TSHZ2: variants seen among roughly 807,000 people sequenced by gnomAD.
TSHZ2 encodes the protein teashirt zinc finger homeobox 2.
TSHZ2 carries 21 observed loss-of-function variants against 74.4 expected under a neutral mutation model. That is an observed-to-expected ratio of 0.28 (90% CI 0.20 to 0.41). The LOEUF is 0.41. TSHZ2 is among the 10% of genes least tolerant of loss of function. The pLI, the probability that TSHZ2 is intolerant of heterozygous loss-of-function variation, is 1.00. For missense variants in TSHZ2, 1,244 were observed against 1,293.5 expected, an observed-to-expected ratio of 0.96 and a Z score of 0.59; for synonymous variants, 540 against 515.3, an observed-to-expected ratio of 1.05 and a Z score of -0.65.
chr20:53,162,218 G>T (rs1324939934), intron 1 of TSHZ2, among the ~76,000 whole-genome samples: 1 of 151,974 alleles, frequency 6.6e-6, no homozygotes, highest in African/African-American at 2.4e-5. Flanking sequence ...CACAACTGAA[G>T]GAAAAAAATA....
At chr20:52,980,562 A>G (rs1279805716) in intron 1 of TSHZ2, among the ~76,000 whole-genome samples, 2 of 152,250 alleles carry the variant, frequency 1.3e-5, no homozygotes, top group East Asian at 3.8e-4. Flanking sequence ...TTAAAGCCAC[A>G]TCTAAGCCAT....
intron 2 of TSHZ2, among the ~76,000 whole-genome samples, chr20:53,360,680 T>G (rs1981016210): frequency 6.6e-6 from 1 of 152,200 alleles, no homozygotes; most frequent in Non-Finnish European, 1.5e-5. Flanking sequence ...TACCTAATTC[T>G]TAGAAAGCCC....
In TSHZ2 at chr20:53,472,946, G is replaced by A. The variant is rs369432502; in HGVS notation, c.*9-14198G>A. On this transcript the variant is annotated intron_variant, in intron 2 of 2. Transcript: ENST00000371497. ...TCTCACCCGAATACTGCGCTTTTCC[G>A]ACGGGCTTAAAAAACGGCGCACCAC... 2.2e-3 allele frequency among the ~76,000 whole-genome samples: 332 copies of A among 152,192 alleles called. 1 individual carries two copies. Among genetic ancestry groups the A allele is most frequent in the African/African-American group, 7.4e-3 (308 of 41,504 alleles).
chr20:53,226,143 CACACACACACACACACAT>C (rs1210573993), intron 1 of TSHZ2, among the ~76,000 whole-genome samples: 1 of 79,104 alleles, frequency 1.3e-5, no homozygotes, highest in Non-Finnish European at 2.9e-5. Context: ...CACACACACA[CACACACACACACACACAT>C]GCACACAAAC....
intron 2 of TSHZ2, among the ~76,000 whole-genome samples, chr20:53,439,279 C>T (rs1217843282): frequency 1.3e-5 from 2 of 152,136 alleles, no homozygotes; most frequent in Non-Finnish European, 2.9e-5. Context: ...ATCACAAATC[C>T]TTCCATCTGG....
chr20:53,113,730 G>T (rs529446068), intron 1 of TSHZ2, among the ~76,000 whole-genome samples: 1 of 152,146 alleles, frequency 6.6e-6, no homozygotes, highest in Admixed American at 6.5e-5. Context: ...GTCCTTAAGC[G>T]TAGGTTAATC....
At chr20:53,105,848 T>C (rs993267414) in intron 1 of TSHZ2, among the ~76,000 whole-genome samples, 2 of 152,104 alleles carry the variant, frequency 1.3e-5, no homozygotes, top group Admixed American at 6.6e-5. Flanking sequence ...GGTTTTGCCA[T>C]GTTGCACGGG....
intron 1 of TSHZ2, among the ~76,000 whole-genome samples, chr20:53,082,461 G>T (rs951216890): frequency 2.0e-5 from 3 of 152,148 alleles, no homozygotes; most frequent in Admixed American, 2.0e-4. Flanking sequence ...CACGCTGATT[G>T]CATCAAGTAC....
rs1264436870 is a variant in TSHZ2 at position 52,972,870 on chromosome 20, G to T, written c.-424G>T. The T allele has an allele frequency of 8.9e-6, 2 of 225,928 alleles. No individual in the cohort carries two copies. Among genetic ancestry groups the T allele is most frequent in the Admixed American group, 1.2e-4 (2 of 17,294 alleles). 14.0% of individuals were successfully genotyped at this position (225,928 alleles called of 1,614,324 possible). On this transcript the variant is annotated 5_prime_UTR_variant, in exon 1 of 3. Transcript: ENST00000371497. The stretch of plus-strand genomic sequence containing the variant: ...TTACGCGCGAGTGTGCCTGTGGCGC[G>T]TGTGCGCCCCTCGTCCCTTCCATCC...
At chr20:53,007,358 A>C (rs554902900) in intron 1 of TSHZ2, among the ~76,000 whole-genome samples, 219 of 152,350 alleles carry the variant, frequency 1.4e-3, no homozygotes, top group Non-Finnish European at 2.8e-3. Flanking sequence ...AGATGGACCA[A>C]ACACATGAAA....
chr20:53,205,492 C>T (rs1989145331), intron 1 of TSHZ2, among the ~76,000 whole-genome samples: 1 of 152,136 alleles, frequency 6.6e-6, no homozygotes, highest in Non-Finnish European at 1.5e-5. Context: ...AAGGAAGTTC[C>T]AAATGTTAAG....
chr20:53,274,505 G>A (rs1244353549), intron 2 of TSHZ2, among the ~76,000 whole-genome samples: 1 of 152,158 alleles, frequency 6.6e-6, no homozygotes, highest in Non-Finnish European at 1.5e-5. Flanking sequence ...TTTTCAAAAT[G>A]ATTTAGTGAC....
At position 53,120,705 on chromosome 20, in the gene TSHZ2, T is replaced by TA. The variant is rs569623433; in HGVS notation, c.41-132787dup. ...CTATTACTTAAACTCTTACCTCTTA[T>TA]AAAAAAATCCAAAGACAGGACCCCT... On this transcript the variant is annotated intron_variant, in intron 1 of 2. Transcript: ENST00000371497. Among the ~76,000 whole-genome samples the TA allele has an allele frequency of 6.2e-3, 949 of 152,306 alleles. 9 individuals are homozygous for TA. The highest frequency in any genetic ancestry group is 0.021 in the African/African-American group (889 of 41,576).
chr20:53,200,895 G>A (rs868201143), intron 1 of TSHZ2, among the ~76,000 whole-genome samples: 3 of 152,280 alleles, frequency 2.0e-5, no homozygotes, highest in African/African-American at 7.2e-5. Context: ...GGGAACAATG[G>A]TTGGAGGTTT....
At chr20:53,195,053 G>A (rs1277763753) in intron 1 of TSHZ2, among the ~76,000 whole-genome samples, 1 of 152,144 alleles carries the variant, frequency 6.6e-6, no homozygotes, top group Non-Finnish European at 1.5e-5. Flanking sequence ...GGGATTGGTG[G>A]CAAGGGGTGA....
At chr20:53,202,184 C>A (rs1003294295) in intron 1 of TSHZ2, among the ~76,000 whole-genome samples, 4 of 152,200 alleles carry the variant, frequency 2.6e-5, no homozygotes, top group East Asian at 3.8e-4. Flanking sequence ...TTACCCATGA[C>A]CTTCCTCGGT....
intron 2 of TSHZ2, among the ~76,000 whole-genome samples, chr20:53,334,695 T>TA (rs964460531): frequency 6.6e-6 from 1 of 151,898 alleles, no homozygotes; most frequent in African/African-American, 2.4e-5. Flanking sequence ...TTTTCTAATT[T>TA]AAAAAAAATT....
chr20:53,482,941 A>C (rs1184909918), intron 2 of TSHZ2, among the ~76,000 whole-genome samples: 4 of 152,224 alleles, frequency 2.6e-5, no homozygotes, highest in Non-Finnish European at 4.4e-5. Flanking sequence ...ATAATTTTTA[A>C]AAAATAATAA....
Position 52,989,164 on chromosome 20 carries a change from CAAA to C in TSHZ2, c.40+15846_40+15848del, listed in dbSNP as rs3995491. 7.5e-3 allele frequency among the ~76,000 whole-genome samples: 942 copies of C among 126,146 alleles called. 15 individuals carry two copies. The highest frequency in any genetic ancestry group is 0.025 in the African/African-American group (891 of 35,180). The allele number at this position is 126,146 out of a possible 152,430, so 82.8% of individuals were successfully genotyped here. On this transcript the variant is annotated intron_variant, in intron 1 of 2. Coordinates refer to ENST00000371497, the MANE Select transcript of TSHZ2 (RefSeq NM_173485.6). ...AGAAATCATGATAGACTCTGTCTGGCAAAAAAAAAAAAAAAAATCAATTGTTTT... is the reference window on the plus strand; with the variant it reads ...AGAAATCATGATAGACTCTGTCTGGCAAAAAAAAAAAAAATCAATTGTTTT...
Sources: gnomAD v4.1 joint callset for allele counts (sites outside exome capture counted in the v4.1 genomes callset) on GRCh38, gnomAD v4.1.1 for gene constraint, MANE v1.5 for transcripts, NCBI Gene and HGNC (gene_info 2026-07-23, HGNC 2026-07-21) for gene names.